Variants in MTPN observed in about 807,000 individuals in gnomAD.
MTPN encodes granule cell differentiation protein.
Under a neutral mutation model 13.5 loss-of-function variants are expected in MTPN, and 2 were observed. The observed-to-expected ratio is 0.15, with a 90% CI of 0.06 to 0.47. The LOEUF (loss-of-function observed/expected upper bound fraction) is 0.47, where lower values mean the gene tolerates loss of function less well. MTPN is among the 20% of genes least tolerant of loss of function. The pLI, the probability that MTPN is intolerant of heterozygous loss-of-function variation, is 0.97. For missense variants in MTPN, 79 were observed against 137.9 expected (o/e 0.57, Z 2.14); for synonymous variants, 46 against 51.7 (o/e 0.89, Z 0.48).
chr7:135,931,514 A>G (rs764818248), intron 3 of MTPN, among the ~76,000 whole-genome samples: 13 of 152,306 alleles, frequency 8.5e-5, no homozygotes, highest in Non-Finnish European at 1.3e-4. Flanking sequence ...CTCATTTTCT[A>G]AATGAATTTA....
chr7:135,951,967 A>AT (rs1799369519), intron 1 of MTPN, among the ~76,000 whole-genome samples: 1 of 152,240 alleles, frequency 6.6e-6, no homozygotes, highest in African/African-American at 2.4e-5. Flanking sequence ...AAGCACTGAG[A>AT]TTTTACACAG....
chr7:135,962,125 ATATAAT>A (rs528460421), intron 1 of MTPN, among the ~76,000 whole-genome samples: 68 of 152,146 alleles, frequency 4.5e-4, no homozygotes, highest in Admixed American at 1.4e-3. Context: ...TATCAACAAA[ATATAAT>A]TATAACAGAA....
chr7:135,934,989 C>T (rs919195671), intron 3 of MTPN, among the ~76,000 whole-genome samples: 6 of 152,192 alleles, frequency 3.9e-5, no homozygotes, highest in African/African-American at 1.4e-4. Flanking sequence ...ACTTTAAGTT[C>T]CATAAATACC....
At chr7:135,976,951 T>A in intron 1 of MTPN, 78 bp downstream of exon 1, 1 of 656,144 alleles carries the variant, frequency 1.5e-6, no homozygotes, top group Non-Finnish European at 2.7e-6. Context: ...ATCCCCGCAG[T>A]CCAGCTCCCA....
chr7:135,927,452 C>A lies in MTPN; in HGVS notation c.*2474G>T. The stretch of plus-strand genomic sequence containing the variant: ...TGCATATGAAATGACTGATTTAATA[C>A]AAAACTACAGAACATGCAAAATTTT... On this transcript the variant is annotated 3_prime_UTR_variant, in exon 4 of 4. Coordinates refer to ENST00000393085, the MANE Select transcript of MTPN (RefSeq NM_145808.4). The A allele has an allele frequency of 6.5e-7, 1 of 1,528,884 alleles. No individual in the cohort carries two copies. The highest frequency in any genetic ancestry group is 1.2e-5 in the South Asian group (1 of 80,074). 94.7% of individuals were successfully genotyped at this position (1,528,884 alleles called of 1,614,324 possible). A position where few individuals can be genotyped will look rare whatever the true frequency, so the allele number is the denominator to read the frequency against.
intron 3 of MTPN, among the ~76,000 whole-genome samples, chr7:135,945,809 G>A (rs1799280197): frequency 6.6e-6 from 1 of 152,112 alleles, no homozygotes; most frequent in Non-Finnish European, 1.5e-5. Context: ...CAAGCATTAT[G>A]TATGACCAGC....
intron 3 of MTPN, among the ~76,000 whole-genome samples, chr7:135,940,485 T>G (rs1799192449): frequency 6.6e-6 from 1 of 152,214 alleles, no homozygotes; most frequent in Non-Finnish European, 1.5e-5. Context: ...ACATTTTTCG[T>G]AGCAGTTTTG....
chr7:135,947,515 T>C (rs1472785014), intron 3 of MTPN, among the ~76,000 whole-genome samples: 1 of 152,148 alleles, frequency 6.6e-6, no homozygotes, highest in Non-Finnish European at 1.5e-5. Context: ...CACCTAAACT[T>C]TGAAATGGAA....
chr7:135,945,428 G>C (rs1003851802), intron 3 of MTPN, among the ~76,000 whole-genome samples: 87 of 152,128 alleles, frequency 5.7e-4, no homozygotes, highest in African/African-American at 2.0e-3. Flanking sequence ...CACAGCTGTA[G>C]AAAAATATTT....
Position 135,977,324 on chromosome 7 carries a change from C to T in MTPN, c.-224G>A, listed in dbSNP as rs1799797155. 1 of 582,074 alleles carries T rather than the reference C, an allele frequency of 1.7e-6. No homozygotes were observed. The highest frequency in any genetic ancestry group is 3.1e-6 in the Non-Finnish European group (1 of 325,562). The allele number at this position is 582,074 out of a possible 1,614,324, so 36.1% of individuals were successfully genotyped here. A position where few individuals can be genotyped will look rare whatever the true frequency, so the allele number is the denominator to read the frequency against. On this transcript the variant is annotated 5_prime_UTR_variant, in exon 1 of 4. Transcript: ENST00000393085. The stretch of plus-strand genomic sequence containing the variant: ...GGCCACCGGGCCCAGCAGAGAGGTT[C>T]CGCCTGGCCGAGGAGAGGCAGGAAC...
intron 1 of MTPN, among the ~76,000 whole-genome samples, chr7:135,968,773 GTTTTAGGTAGGT>G (rs1235683307): frequency 6.7e-6 from 1 of 150,018 alleles, no homozygotes; most frequent in African/African-American, 2.5e-5. Flanking sequence ...TACAGGTTAA[GTTTTAGGTAGGT>G]TCAAATCATC....
At chr7:135,945,481 T>A (rs1184620282) in intron 3 of MTPN, among the ~76,000 whole-genome samples, 10 of 152,194 alleles carry the variant, frequency 6.6e-5, no homozygotes, top group Non-Finnish European at 7.3e-5. Flanking sequence ...TAATTAAAAA[T>A]TTTTTAAAAC....
At chr7:135,976,117 T>C (rs973718430) in intron 1 of MTPN, among the ~76,000 whole-genome samples, 1 of 152,222 alleles carries the variant, frequency 6.6e-6, no homozygotes, top group African/African-American at 2.4e-5. Flanking sequence ...CATGTTAAGT[T>C]CTCTCATAAT....
chr7:135,969,190 C>T (rs1346382539), intron 1 of MTPN, among the ~76,000 whole-genome samples: 3 of 126,408 alleles, frequency 2.4e-5, no homozygotes, highest in Non-Finnish European at 4.8e-5. Flanking sequence ...TATACATATG[C>T]AACTAACCTG....
At chr7:135,960,250 GGTC>G (rs1238026388) in intron 1 of MTPN, among the ~76,000 whole-genome samples, 1 of 152,014 alleles carries the variant, frequency 6.6e-6, no homozygotes, top group East Asian at 1.9e-4. Flanking sequence ...AGATGTAAGG[GGTC>G]TAATCAAGCT....
chr7:135,950,806 A>C, intron 2 of MTPN, 124 bp from the exon 3 acceptor site: 3 of 739,164 alleles, frequency 4.1e-6, no homozygotes, highest in Non-Finnish European at 6.8e-6. Context: ...CAATCAATCA[A>C]TCCACAGAGT....
intron 1 of MTPN, among the ~76,000 whole-genome samples, chr7:135,964,998 C>A (rs1799582850): frequency 6.6e-6 from 1 of 151,978 alleles, no homozygotes; most frequent in Non-Finnish European, 1.5e-5. Flanking sequence ...ATTGATGTAT[C>A]ATCTATGACT....
In MTPN at chr7:135,977,281, G is replaced by A. The variant is rs1198658107; in HGVS notation, c.-181C>T. On this transcript the variant is annotated 5_prime_UTR_variant, in exon 1 of 4. Transcript: ENST00000393085. ...GGCCGCGGCGACCGTTCGGGCGGGA[G>A]AAAGAAAGTTCTTTTGCGGCCACCG... is the stretch of plus-strand genomic sequence containing the variant. 3.4e-5 allele frequency: 22 copies of A among 638,174 alleles called. No homozygotes were observed. The highest frequency in any genetic ancestry group is 5.5e-5 in the Non-Finnish European group (20 of 361,834). The allele number at this position is 638,174 out of a possible 1,614,324, so 39.5% of individuals were successfully genotyped here.
intron 1 of MTPN, among the ~76,000 whole-genome samples, chr7:135,972,109 C>A (rs185768252): frequency 6.6e-6 from 1 of 152,030 alleles, no homozygotes; most frequent in Non-Finnish European, 1.5e-5. Flanking sequence ...TTAGTTGTAC[C>A]GGCTTCTTAC....
Sources: gnomAD v4.1 joint callset for allele counts (sites outside exome capture counted in the v4.1 genomes callset) on GRCh38, gnomAD v4.1.1 for gene constraint, MANE v1.5 for transcripts, NCBI Gene and HGNC (gene_info 2026-07-23, HGNC 2026-07-21) for gene names.